Variants in CC2D2A observed in about 807,000 individuals in gnomAD.
The protein encoded by CC2D2A is coiled-coil and C2 domain containing 2A.
Under a neutral mutation model 212.9 loss-of-function variants are expected in CC2D2A, and 155 were observed. That is an observed-to-expected ratio of 0.73 (90% CI 0.64 to 0.83). CC2D2A has a LOEUF of 0.83. Among genes scored for constraint, CC2D2A ranks in the 40% least tolerant of loss-of-function variants. The probability of loss-of-function intolerance (pLI) is 0.00; values close to 1 mark genes in which losing one functional copy is unlikely to be tolerated. For missense variants in CC2D2A, 1,856 were observed against 1,956.2 expected (o/e 0.95, Z 0.97); for synonymous variants, 667 against 686.5 (o/e 0.97, Z 0.44).
intron 31 of CC2D2A, 71 bp from the exon 32 acceptor site, chr4:15,587,745 T>G: frequency 2.5e-6 from 2 of 815,076 alleles, no homozygotes; most frequent in Non-Finnish European, 4.2e-6. Flanking sequence ...TATGACATAT[T>G]AGAATCCTGC....
At chr4:15,479,415 A>C in intron 3 of CC2D2A, 10 of 1,080,146 alleles carry the variant, frequency 9.3e-6, no homozygotes, top group Non-Finnish European at 1.1e-5. Context: ...AACAATCAAG[A>C]TGCCAGCAGG....
chr4:15,480,775 G>A lies in CC2D2A; in HGVS notation c.195G>A (p.Gln65=). 1 of 1,613,456 alleles carries A rather than the reference G, an allele frequency of 6.2e-7. No homozygotes were observed. ...TTGGCAACCCCCAGGAGCCTGTGCA[G>A]GAGGAGCCCAAGACCCGCCTCCTGA... ...SHLGNPQEPV[Q]EEPKTRLLSM... is the part of the protein sequence containing the mutation. The change falls in exon 4 of 37, where the codon CAG becomes CAA. Residue 65 remains glutamine, a synonymous_variant. Coordinates refer to ENST00000424120, the MANE Select transcript of CC2D2A (RefSeq NM_001378615.1).
intron 33 of CC2D2A, among the ~76,000 whole-genome samples, chr4:15,592,702 CTATTAT>C (rs1455915315): frequency 6.6e-6 from 1 of 152,102 alleles, no homozygotes; most frequent in African/African-American, 2.4e-5. Flanking sequence ...AGGACCACAC[CTATTAT>C]TATTAATTGT....
chr4:15,526,012 T>C (rs1018656551), intron 11 of CC2D2A, among the ~76,000 whole-genome samples: 1 of 152,230 alleles, frequency 6.6e-6, no homozygotes, highest in Non-Finnish European at 1.5e-5. Flanking sequence ...CATTCCAGTT[T>C]TCAAGGGCAT....
chr4:15,571,331 G>C (rs968392696), intron 28 of CC2D2A, among the ~76,000 whole-genome samples: 1 of 152,150 alleles, frequency 6.6e-6, no homozygotes, highest in African/African-American at 2.4e-5. Context: ...TTTGATTAAG[G>C]GGATCCATTA....
chr4:15,589,477 T>C (rs1302272348), intron 32 of CC2D2A, 68 bp from the exon 33 acceptor site: 36 of 1,358,938 alleles, frequency 2.6e-5, no homozygotes, highest in Non-Finnish European at 3.5e-5. Flanking sequence ...GAATTGTCTG[T>C]GCAAACTACT....
rs745613164 is a variant in CC2D2A, at chr4:15,563,513, C to T, written c.3173C>T (p.Pro1058Leu). ...VRAYDIPVRK[P>L]AVSKFQQPSR... is the part of the protein sequence containing the mutation. ...GCTTACGACATTCCAGTGAGGAAGC[C>T]GGCAGTGAGGTGAGAGCCCTCCCAA... The change falls in exon 24 of 37, where the codon CCG (proline) becomes CTG (leucine). Residue 1058 changes from proline to leucine, a missense_variant. Transcript: ENST00000424120. The T allele has an allele frequency of 5.6e-6, 9 of 1,611,516 alleles. No individual in the cohort carries two copies. In the East Asian group the frequency reaches 1.1e-4, roughly 20 times the overall value.
intron 23 of CC2D2A, among the ~76,000 whole-genome samples, chr4:15,562,488 C>T (rs890764191): frequency 1.3e-5 from 2 of 152,212 alleles, no homozygotes; most frequent in Non-Finnish European, 2.9e-5. Context: ...ATATCATCTC[C>T]GTGAAAGGTA....
chr4:15,489,022 T>C (rs1715158231), intron 4 of CC2D2A, among the ~76,000 whole-genome samples: 1 of 152,224 alleles, frequency 6.6e-6, no homozygotes, highest in African/African-American at 2.4e-5. Context: ...GCACCATCTC[T>C]TGAGGGAGTA....
Position 15,587,836 on chromosome 4 carries a change from AG to A in CC2D2A, c.4090del (p.Asp1364MetfsTer23). On this transcript the variant is annotated frameshift_variant, in exon 32 of 37. Transcript: ENST00000424120. LOFTEE classifies it high-confidence loss of function. ...GTCAGCAATTTCTTGATCTCCTGGC[AG>A]GGGATGAAGAAGAACATGCAGTACT... ...TSDQFLDLLA[G>X]DEEEHAVLLC... 3.7e-6 allele frequency: 6 copies of A among 1,611,394 alleles called. No homozygotes were observed. The highest frequency in any genetic ancestry group is 5.1e-6 in the Non-Finnish European group (6 of 1,177,644).
chr4:15,590,406 T>C (rs1163726497), intron 33 of CC2D2A, among the ~76,000 whole-genome samples: 1 of 152,104 alleles, frequency 6.6e-6, no homozygotes, highest in Non-Finnish European at 1.5e-5. Context: ...TCCCAGCTAC[T>C]TGGGAGGCTG....
chr4:15,510,767 A>G (rs3815493), intron 7 of CC2D2A, among the ~76,000 whole-genome samples: 34,069 of 152,098 alleles, frequency 0.22, 4,225 homozygotes, highest in East Asian at 0.38. Context: ...TGTTGGTGAT[A>G]AGACAGTTTG....
intron 11 of CC2D2A, among the ~76,000 whole-genome samples, chr4:15,518,834 C>T (rs1387902159): frequency 6.6e-6 from 1 of 152,186 alleles, no homozygotes; most frequent in Non-Finnish European, 1.5e-5. Context: ...GGCATCAAGT[C>T]CCTAGACTGC....
intron 17 of CC2D2A, among the ~76,000 whole-genome samples, chr4:15,547,719 T>A (rs1316452128): frequency 6.6e-6 from 1 of 152,198 alleles, no homozygotes; most frequent in Non-Finnish European, 1.5e-5. Flanking sequence ...TCCTAATTTT[T>A]AAAAATAGCA....
chr4:15,492,967 A>G (rs1423046996), intron 4 of CC2D2A: 2 of 472,636 alleles, frequency 4.2e-6, no homozygotes, highest in Admixed American at 2.5e-5. Flanking sequence ...TGATGTCATC[A>G]TATTTGTTAA....
At chr4:15,590,767 C>T (rs1469029596) in intron 33 of CC2D2A, among the ~76,000 whole-genome samples, 1 of 152,148 alleles carries the variant, frequency 6.6e-6, no homozygotes, top group African/African-American at 2.4e-5. Flanking sequence ...GAGATAGTTT[C>T]GCTCTGTCGC....
intron 1 of CC2D2A, among the ~76,000 whole-genome samples, chr4:15,474,371 T>G (rs1344594136): frequency 6.6e-6 from 1 of 152,072 alleles, no homozygotes; most frequent in African/African-American, 2.4e-5. Context: ...TTCTCACTTA[T>G]GTGTGGGATC....
chr4:15,592,483 C>T (rs1721152577), intron 33 of CC2D2A, among the ~76,000 whole-genome samples: 1 of 152,216 alleles, frequency 6.6e-6, no homozygotes, highest in African/African-American at 2.4e-5. Context: ...GGCTGCTTCT[C>T]ATTTTCACTC....
Position 15,587,830 on chromosome 4 carries a change from C to T in CC2D2A, c.4080C>T (p.Leu1360=), listed in dbSNP as rs777093551. ...LWSTSDQFLD[L]LAGDEEEHAV... ...CTTTTTGTCAGCAATTTCTTGATCT[C>T]CTGGCAGGGGATGAAGAAGAACATG... Residue 1360 remains leucine, a synonymous_variant, in exon 32 of 37, where the codon CTC becomes CTT. Transcript: ENST00000424120. The T allele has an allele frequency of 1.9e-6, 3 of 1,608,858 alleles. No individual in the cohort carries two copies. In the East Asian group the frequency reaches 6.7e-5, roughly 36 times the overall value.
Sources: allele counts gnomAD v4.1 joint callset (sites outside exome capture counted in the v4.1 genomes callset), GRCh38; gene constraint gnomAD v4.1.1; transcripts MANE v1.5; gene names NCBI Gene and HGNC (gene_info 2026-07-23, HGNC 2026-07-21).